ANGPT1: variants seen among roughly 807,000 people sequenced by gnomAD.
ANGPT1 encodes the protein angiopoietin-1.
A neutral mutation model predicts 62.2 loss-of-function variants in ANGPT1; 17 were observed. The observed-to-expected ratio is 0.27, with a 90% CI of 0.19 to 0.41. ANGPT1 has a LOEUF of 0.41. Among genes scored for constraint, ANGPT1 ranks in the 10% least tolerant of loss-of-function variants. ANGPT1 has a pLI of 1.00. For missense variants in ANGPT1, 478 were observed against 594.9 expected (o/e 0.80, Z 2.04); for synonymous variants, 199 against 198.9 (o/e 1.00, Z 0.00).
chr8:107,313,500 C>T (rs1359629512), intron 4 of ANGPT1, among the ~76,000 whole-genome samples: 4 of 125,956 alleles, frequency 3.2e-5, no homozygotes, highest in Non-Finnish European at 6.2e-5. Context: ...AGTGCAGCGG[C>T]GCAATCTCAA....
chr8:107,341,851 C>G (rs75037416), intron 2 of ANGPT1, among the ~76,000 whole-genome samples: 9 of 152,008 alleles, frequency 5.9e-5, no homozygotes, highest in Middle Eastern at 3.4e-3. Context: ...ACAGGCTTAT[C>G]GAGTAGCTGT....
Position 107,274,055 on chromosome 8 carries a change from A to G in ANGPT1, c.1206-9704T>C, listed in dbSNP as rs537506335. On this transcript the variant is annotated intron_variant, in intron 7 of 8. Transcript: ENST00000517746. ...ATTCCATGTTTTGTTTCCTTCTCCT[A>G]AACTATTAGCCCCACAAGAGAAGGT... 3.5e-4 allele frequency among the ~76,000 whole-genome samples: 54 copies of G among 152,218 alleles called. No individual in the cohort carries two copies. The South Asian group carries it at 5.4e-3, about 15-fold the overall frequency.
intron 1 of ANGPT1, among the ~76,000 whole-genome samples, chr8:107,474,537 A>G (rs199668456): frequency 1.3e-5 from 2 of 152,066 alleles, no homozygotes; most frequent in Admixed American, 1.3e-4. Flanking sequence ...GACAGGGATG[A>G]CCTCTCTCAC....
chr8:107,489,948 A>AAG (rs1554599891), intron 1 of ANGPT1, among the ~76,000 whole-genome samples: 4 of 152,044 alleles, frequency 2.6e-5, no homozygotes, highest in Non-Finnish European at 4.4e-5. Flanking sequence ...AAAAAAAAAA[A>AAG]AAGAAGAAAA....
chr8:107,329,489 A>G (rs1294266240), intron 3 of ANGPT1, among the ~76,000 whole-genome samples: 2 of 152,152 alleles, frequency 1.3e-5, no homozygotes, highest in Non-Finnish European at 2.9e-5. Context: ...CTCAGAGTAT[A>G]CAATAGTAAC....
chr8:107,364,522 C>T (rs1816233069), intron 1 of ANGPT1, among the ~76,000 whole-genome samples: 1 of 152,130 alleles, frequency 6.6e-6, no homozygotes, highest in African/African-American at 2.4e-5. Flanking sequence ...CTCAAGCCAG[C>T]CACCTGCCTT....
rs544010411 is a variant in ANGPT1, at chr8:107,264,502, C to A, written c.1206-151G>T. On this transcript the variant is annotated intron_variant, in intron 7 of 8. Transcript: ENST00000517746. ...CAAACCTCTAGGAGACCCAAGCTAT[C>A]TGAACCAAAAGAACAAAGGAAGGAA... 24 of 942,218 alleles carry A rather than the reference C, an allele frequency of 2.5e-5. No homozygotes were observed. The African/African-American group carries it at 4.0e-4, about 16-fold the overall frequency. 58.4% of individuals were successfully genotyped at this position (942,218 alleles called of 1,614,324 possible).
rs78363422 is a variant in ANGPT1 at position 107,385,204 on chromosome 8, C to T, written c.298-38107G>A. ...TAGTTTGATAAGAATAGCCTTGCAT[C>T]GGTAAATTGCTTTTTGTAGTATGGC... On this transcript the variant is annotated intron_variant, in intron 1 of 8. Transcript: ENST00000517746. Among the ~76,000 whole-genome samples the T allele has an allele frequency of 2.6e-3, 391 of 151,854 alleles. 3 individuals are homozygous for T. Among genetic ancestry groups the T allele is most frequent in the Non-Finnish European group, 3.7e-3 (254 of 67,996 alleles).
At chr8:107,334,997 C>T (rs546251073) in intron 3 of ANGPT1, among the ~76,000 whole-genome samples, 1 of 152,266 alleles carries the variant, frequency 6.6e-6, no homozygotes, top group Non-Finnish European at 1.5e-5. Context: ...AACCAACAGC[C>T]AGGTTTGTAT....
chr8:107,264,604 G>C (rs2130038473), intron 7 of ANGPT1, among the ~76,000 whole-genome samples: 1 of 151,976 alleles, frequency 6.6e-6, no homozygotes, highest in Non-Finnish European at 1.5e-5. Context: ...TAAAAACTTG[G>C]GTTTATTGTA....
At chr8:107,482,789 A>G (rs538704158) in intron 1 of ANGPT1, among the ~76,000 whole-genome samples, 19 of 152,152 alleles carry the variant, frequency 1.2e-4, no homozygotes, top group Admixed American at 7.9e-4. Flanking sequence ...ACTTTTAAAA[A>G]CTATATATAA....
chr8:107,468,078 C>G (rs754228643), intron 1 of ANGPT1, among the ~76,000 whole-genome samples: 22 of 152,106 alleles, frequency 1.4e-4, no homozygotes, highest in Non-Finnish European at 2.5e-4. Context: ...CAACTTGATA[C>G]AGAAGATAAT....
chr8:107,442,115 G>A (rs1393472695), intron 1 of ANGPT1, among the ~76,000 whole-genome samples: 3 of 152,056 alleles, frequency 2.0e-5, no homozygotes, highest in South Asian at 4.1e-4. Flanking sequence ...CCATCACCTC[G>A]TAGATCCAGA....
intron 2 of ANGPT1, among the ~76,000 whole-genome samples, chr8:107,345,597 T>C (rs1170329143): frequency 6.6e-6 from 1 of 152,204 alleles, no homozygotes; most frequent in Non-Finnish European, 1.5e-5. Context: ...ATTGTGTATT[T>C]GTTTTTGAAC....
chr8:107,355,893 T>C (rs1349600120), intron 1 of ANGPT1, among the ~76,000 whole-genome samples: 7 of 152,176 alleles, frequency 4.6e-5, no homozygotes, highest in Admixed American at 4.6e-4. Context: ...ACCATCCCAG[T>C]ATAAGTTCCT....
chr8:107,467,607 G>T (rs539376136), intron 1 of ANGPT1, among the ~76,000 whole-genome samples: 1 of 152,026 alleles, frequency 6.6e-6, no homozygotes, highest in South Asian at 2.1e-4. Context: ...AATGTCCTTG[G>T]GACAAAACAG....
intron 7 of ANGPT1, among the ~76,000 whole-genome samples, chr8:107,269,065 A>G (rs1813680627): frequency 1.3e-5 from 2 of 152,074 alleles, no homozygotes; most frequent in African/African-American, 2.4e-5. Flanking sequence ...TCTTCTAAAC[A>G]ATATTTTAAA....
chr8:107,267,217 T>C (rs1183172245), intron 7 of ANGPT1, among the ~76,000 whole-genome samples: 1 of 152,124 alleles, frequency 6.6e-6, no homozygotes, highest in Non-Finnish European at 1.5e-5. Flanking sequence ...ATACTTTACA[T>C]GTTTCTGTAT....
chr8:107,349,567 A>G (rs776472975), intron 1 of ANGPT1, among the ~76,000 whole-genome samples: 1 of 152,156 alleles, frequency 6.6e-6, no homozygotes, highest in Non-Finnish European at 1.5e-5. Flanking sequence ...ATTGCCTACT[A>G]TGCAACAGGC....
Sources: gnomAD v4.1 joint callset for allele counts (sites outside exome capture counted in the v4.1 genomes callset) on GRCh38, gnomAD v4.1.1 for gene constraint, MANE v1.5 for transcripts, NCBI Gene and HGNC (gene_info 2026-07-23, HGNC 2026-07-21) for gene names.